Variants in CACNA1C observed in about 807,000 individuals in gnomAD.
CACNA1C encodes the protein calcium voltage-gated channel subunit alpha1 C, also known as voltage-dependent L-type calcium channel subunit alpha-1C.
CACNA1C carries 30 observed loss-of-function variants against 229.0 expected under a neutral mutation model. The ratio of observed to expected loss-of-function variants is 0.13; its 90% confidence interval spans 0.10 to 0.18. CACNA1C has a LOEUF of 0.18. Ranked by LOEUF, CACNA1C falls within the 10% of genes least tolerant of loss-of-function variation. The probability of loss-of-function intolerance (pLI) is 1.00; values close to 1 mark genes in which losing one functional copy is unlikely to be tolerated. For synonymous variants in CACNA1C, 1,114 were observed against 1,132.5 expected (o/e 0.98, Z 0.33); for missense variants, 1,658 against 2,845.0 (o/e 0.58, Z 9.49).
At chr12:2,056,979 AAGT>A (rs2055238243) in intron 1 of CACNA1C, among the ~76,000 whole-genome samples, 1 of 152,156 alleles carries the variant, frequency 6.6e-6, no homozygotes, top group Admixed American at 6.5e-5. Flanking sequence ...GTTGAGAGAG[AAGT>A]ATTGATAATG....
chr12:2,634,643 A>G (rs1467740829), intron 30 of CACNA1C, among the ~76,000 whole-genome samples: 9 of 151,108 alleles, frequency 6.0e-5, no homozygotes, highest in Admixed American at 2.0e-4. Context: ...CTCCCATACA[A>G]TCAGCCTGGC....
At chr12:2,661,304 C>CACAT (rs1555984171) in intron 34 of CACNA1C, among the ~76,000 whole-genome samples, 2 of 150,950 alleles carry the variant, frequency 1.3e-5, no homozygotes, top group African/African-American at 4.9e-5. Flanking sequence ...CACACACACA[C>CACAT]ACACACACAC....
chr12:2,574,423 C>T lies in CACNA1C; in HGVS notation c.1895+6629C>T, dbSNP rs146212345. Reference sequence around the variant, plus strand: ...CTGATTGCATCTCATTTTTGACACACTTGGTTTTCAAGTGCAGTGAGGCCC... The same window carrying T: ...CTGATTGCATCTCATTTTTGACACATTTGGTTTTCAAGTGCAGTGAGGCCC... On this transcript the variant is annotated intron_variant, in intron 13 of 46. Transcript: ENST00000399655. Among the ~76,000 whole-genome samples, 32 of 152,344 alleles carry T rather than the reference C, an allele frequency of 2.1e-4. No homozygotes were observed. The East Asian group carries it at 2.5e-3, about 12-fold the overall frequency.
intron 3 of CACNA1C, among the ~76,000 whole-genome samples, chr12:2,435,757 C>T (rs751355701): frequency 6.6e-5 from 10 of 152,274 alleles, no homozygotes; most frequent in South Asian, 2.1e-4. Context: ...CTCTAGTGCC[C>T]GGCACTATAC....
rs141899899 is a variant in CACNA1C, at chr12:2,453,618, T to C, written c.618-3949T>C. On this transcript the variant is annotated intron_variant, in intron 4 of 46. Transcript: ENST00000399655. Reference sequence around the variant, plus strand: ...AGTCATCCCTCATCACCCGGACTCCTGTTCCCATGGGGCTTTGTGCATCCT... The same window carrying C: ...AGTCATCCCTCATCACCCGGACTCCCGTTCCCATGGGGCTTTGTGCATCCT... 5.3e-5 allele frequency among the ~76,000 whole-genome samples: 8 copies of C among 152,322 alleles called. No homozygotes were observed. The East Asian group carries it at 1.5e-3, about 29-fold the overall frequency.
chr12:2,355,097 T>C (rs6489366), intron 3 of CACNA1C, among the ~76,000 whole-genome samples: 21,238 of 152,166 alleles, frequency 0.14, 2,683 homozygotes, highest in African/African-American at 0.33. Context: ...CCCGGGTATT[T>C]ATCATGCTTA....
chr12:2,344,044 G>GT (rs1302779918), intron 3 of CACNA1C, among the ~76,000 whole-genome samples: 1 of 152,106 alleles, frequency 6.6e-6, no homozygotes, highest in Non-Finnish European at 1.5e-5. Flanking sequence ...GAAAACTTTG[G>GT]TTCCCCCAGG....
chr12:2,179,502 G>A lies in CACNA1C; in HGVS notation c.477+59072G>A, dbSNP rs764554600. On this transcript the variant is annotated intron_variant, in intron 3 of 46. Coordinates refer to ENST00000399655, the MANE Select transcript of CACNA1C (RefSeq NM_000719.7). ...TCTAGCCCCTTGCCCCACTCGATGC[G>A]TGATTAATACGCACCACAGAAACTC... 4.6e-5 allele frequency among the ~76,000 whole-genome samples: 7 copies of A among 152,330 alleles called. 1 individual carries two copies. In the South Asian group the frequency reaches 8.3e-4, roughly 18 times the overall value.
chr12:2,645,363 T>C (rs2094221299), intron 30 of CACNA1C, among the ~76,000 whole-genome samples: 1 of 152,144 alleles, frequency 6.6e-6, no homozygotes, highest in Admixed American at 6.5e-5. Context: ...GGTCAGAGAT[T>C]AATGGCCCAA....
At chr12:2,470,773 C>T (rs1209215598) in intron 5 of CACNA1C, among the ~76,000 whole-genome samples, 1 of 152,162 alleles carries the variant, frequency 6.6e-6, no homozygotes, top group Non-Finnish European at 1.5e-5. Flanking sequence ...CTCTGTGGGT[C>T]CAACTCCCTA....
chr12:2,089,250 C>G (rs1030560139), intron 1 of CACNA1C, among the ~76,000 whole-genome samples: 1 of 152,176 alleles, frequency 6.6e-6, no homozygotes, highest in African/African-American at 2.4e-5. Context: ...CCCTGTCTGT[C>G]CCCCCGACCC....
chr12:2,160,394 C>G (rs2095796214), intron 3 of CACNA1C, among the ~76,000 whole-genome samples: 1 of 152,162 alleles, frequency 6.6e-6, no homozygotes, highest in South Asian at 2.1e-4. Context: ...CAAAGAGGAC[C>G]AAATATCTGC....
rs77220422 is a variant in CACNA1C at position 2,206,962 on chromosome 12, G to A, written c.477+86532G>A. Among the ~76,000 whole-genome samples, 2,497 of 152,296 alleles carry A rather than the reference G, an allele frequency of 0.016. 141 individuals carry two copies. The East Asian group carries it at 0.17, about 11-fold the overall frequency. ...GAAATTATATTTACAGCCTCCAAATGCAATATAACATTTTAGTGAAAAGTC... is the reference window on the plus strand; with the variant it reads ...GAAATTATATTTACAGCCTCCAAATACAATATAACATTTTAGTGAAAAGTC... On this transcript the variant is annotated intron_variant, in intron 3 of 46. Coordinates refer to ENST00000399655, the MANE Select transcript of CACNA1C (RefSeq NM_000719.7).
At chr12:2,514,043 A>G (rs998402386) in intron 9 of CACNA1C, among the ~76,000 whole-genome samples, 4 of 152,190 alleles carry the variant, frequency 2.6e-5, no homozygotes, top group Admixed American at 6.5e-5. Flanking sequence ...AAGCAGCCTT[A>G]CTTAAAAACA....
chr12:2,207,675 G>A (rs1003430304), intron 3 of CACNA1C, among the ~76,000 whole-genome samples: 1 of 152,068 alleles, frequency 6.6e-6, no homozygotes, highest in East Asian at 1.9e-4. Context: ...TTAGTCAGGT[G>A]TGGTGGTGTG....
At chr12:2,013,121 C>G (rs899795595) in intron 1 of CACNA1C, among the ~76,000 whole-genome samples, 4 of 152,242 alleles carry the variant, frequency 2.6e-5, no homozygotes, top group South Asian at 2.1e-4. Flanking sequence ...GTCAAAGAAA[C>G]CCGTCTCAAT....
intron 29 of CACNA1C, among the ~76,000 whole-genome samples, chr12:2,617,597 C>T (rs901269964): frequency 6.6e-6 from 1 of 152,224 alleles, no homozygotes; most frequent in African/African-American, 2.4e-5. Context: ...TCTGCAGGCT[C>T]TGCTGTTCTT....
Position 2,503,697 on chromosome 12 carries a change from C to T in CACNA1C, c.1114-1145C>T, listed in dbSNP as rs554033302. ...CCCCTCAGCCCCCAGGAGCCAGCTC[C>T]GGCGCACCACTCCCTCTGGCTGCCG... On this transcript the variant is annotated intron_variant, in intron 7 of 46. Transcript: ENST00000399655. Among the ~76,000 whole-genome samples the T allele has an allele frequency of 3.3e-5, 5 of 152,314 alleles. No individual in the cohort carries two copies. In the South Asian group the frequency reaches 6.2e-4, roughly 19 times the overall value.
chr12:2,159,625 T>C (rs2095740292), intron 3 of CACNA1C, among the ~76,000 whole-genome samples: 1 of 148,614 alleles, frequency 6.7e-6, no homozygotes, highest in Non-Finnish European at 1.5e-5. Flanking sequence ...TTTTTTGAGA[T>C]GGGAGTTTCG....
Sources: allele counts gnomAD v4.1 joint callset (sites outside exome capture counted in the v4.1 genomes callset), GRCh38; gene constraint gnomAD v4.1.1; transcripts MANE v1.5; gene names NCBI Gene and HGNC (gene_info 2026-07-23, HGNC 2026-07-21).